The following KATNIP variants were observed in gnomAD, a reference collection of about 807,000 sequenced individuals.
KATNIP encodes katanin-interacting protein.
KATNIP carries 126 observed loss-of-function variants against 174.0 expected under a neutral mutation model. The ratio of observed to expected loss-of-function variants is 0.72; its 90% CI spans 0.63 to 0.84. The LOEUF is 0.84. Among genes scored for constraint, KATNIP ranks in the 40% least tolerant of loss-of-function variants. The pLI is 0.00. For synonymous variants in KATNIP, 810 were observed against 835.7 expected, an observed-to-expected ratio of 0.97 and a Z score of 0.53; for missense variants, 1,958 against 2,109.7, an observed-to-expected ratio of 0.93 and a Z score of 1.41.
intron 14 of KATNIP, among the ~76,000 whole-genome samples, chr16:27,723,479 C>T (rs757744326): frequency 4.6e-5 from 7 of 151,986 alleles, no homozygotes; most frequent in Admixed American, 2.0e-4. Flanking sequence ...CTGCCCCCTG[C>T]CCCCTGCCCC....
At chr16:27,751,962 G>A in intron 17 of KATNIP, 38 bp downstream of exon 17, 1 of 1,542,456 alleles carries the variant, frequency 6.5e-7, no homozygotes, top group Non-Finnish European at 8.7e-7. Context: ...GGGACCCCCA[G>A]ATAGGTTTCT....
rs567790923 is a variant in KATNIP at position 27,580,999 on chromosome 16, G to C, written c.63+7043G>C. ...ACCAGCTACTTGGGATGCTGAGGTG[G>C]GTGGCTCACTTGACCCCAGGAGTTT... On this transcript the variant is annotated intron_variant, in intron 2 of 27. Transcript: ENST00000261588. 2.6e-3 allele frequency among the ~76,000 whole-genome samples: 403 copies of C among 152,078 alleles called. 2 individuals carry two copies. Among genetic ancestry groups the C allele is most frequent in the Non-Finnish European group, 3.2e-3 (215 of 68,014 alleles).
In KATNIP at chr16:27,617,396, G is replaced by T. The variant is rs147487588; in HGVS notation, c.64-1029G>T. Among the ~76,000 whole-genome samples the T allele has an allele frequency of 5.0e-3, 764 of 152,304 alleles. 4 individuals carry two copies. Among genetic ancestry groups the T allele is most frequent in the African/African-American group, 0.018 (732 of 41,558 alleles). On this transcript the variant is annotated intron_variant, in intron 2 of 27. Coordinates refer to ENST00000261588, the MANE Select transcript of KATNIP (RefSeq NM_015202.5). The stretch of plus-strand genomic sequence containing the variant: ...GAAGAGAGCAGCTCTTTTTCCAAGG[G>T]TATCAGCAAAGTCCCGGGGCTGACT...
At chr16:27,566,792 A>C (rs1328343344) in intron 1 of KATNIP, among the ~76,000 whole-genome samples, 1 of 152,070 alleles carries the variant, frequency 6.6e-6, no homozygotes, top group Non-Finnish European at 1.5e-5. Context: ...AAGAGCTATC[A>C]CCCGGGGAAG....
chr16:27,585,447 G>A, intron 2 of KATNIP, among the ~76,000 whole-genome samples: 1 of 152,202 alleles, frequency 6.6e-6, no homozygotes, highest in East Asian at 1.9e-4. Context: ...AAGGAAGTGG[G>A]TATATCGAAG....
At chr16:27,560,298 A>C (rs1393322428) in intron 1 of KATNIP, among the ~76,000 whole-genome samples, 1 of 151,404 alleles carries the variant, frequency 6.6e-6, no homozygotes, top group Non-Finnish European at 1.5e-5. Context: ...AAAAAAAAAA[A>C]AAAAAAAGGT....
chr16:27,560,190 G>A (rs2141586068), intron 1 of KATNIP, among the ~76,000 whole-genome samples: 1 of 149,036 alleles, frequency 6.7e-6, no homozygotes, highest in East Asian at 2.0e-4. Flanking sequence ...GCTGAGGCAG[G>A]AGAATCGCTT....
At chr16:27,682,928 C>A (rs1265852889) in intron 8 of KATNIP, among the ~76,000 whole-genome samples, 2 of 152,150 alleles carry the variant, frequency 1.3e-5, no homozygotes, top group African/African-American at 4.8e-5. Context: ...CACTCATCCC[C>A]TCACCATGCA....
intron 2 of KATNIP, among the ~76,000 whole-genome samples, chr16:27,599,843 C>T (rs1240626441): frequency 1.3e-5 from 2 of 152,220 alleles, no homozygotes; most frequent in Non-Finnish European, 2.9e-5. Context: ...AGTCCCGTGT[C>T]AGTCTCTGTC....
intron 1 of KATNIP, among the ~76,000 whole-genome samples, chr16:27,553,055 T>C (rs2089458117): frequency 6.6e-6 from 1 of 152,190 alleles, no homozygotes; most frequent in African/African-American, 2.4e-5. Flanking sequence ...TAGGTGAACT[T>C]TTATACTGTG....
At position 27,777,476 on chromosome 16, in the gene KATNIP, A is replaced by G. The variant is rs757604551; in HGVS notation, c.4552-134A>G. 1.6e-5 allele frequency: 12 copies of G among 752,104 alleles called. No homozygotes were observed. The highest frequency in any genetic ancestry group is 2.3e-5 in the Non-Finnish European group (11 of 477,388). The allele number at this position is 752,104 out of a possible 1,614,324, so 46.6% of individuals were successfully genotyped here. A position where few individuals can be genotyped will look rare whatever the true frequency, so the allele number is the denominator to read the frequency against. On this transcript the variant is annotated intron_variant, in intron 25 of 27. Coordinates refer to ENST00000261588, the MANE Select transcript of KATNIP (RefSeq NM_015202.5). The surrounding 1 kb of genome is among the most constrained non-coding windows in gnomAD (Gnocchi z 4.4). ...TGAAATCACAAGGCAGACACAGCAC[A>G]CAGTAGGCGCTTGTTCCTGACAGCC...
intron 14 of KATNIP, among the ~76,000 whole-genome samples, chr16:27,730,111 C>T (rs2080612622): frequency 6.6e-6 from 1 of 152,244 alleles, no homozygotes. Context: ...GGCCTCCCAG[C>T]TGCAGAATGC....
Position 27,747,839 on chromosome 16 carries a change from G to A in KATNIP, c.2624-1745G>A, listed in dbSNP as rs575287622. On this transcript the variant is annotated intron_variant, in intron 15 of 27. Coordinates refer to ENST00000261588, the MANE Select transcript of KATNIP (RefSeq NM_015202.5). ...TGTGGTTGGAGGGAGCCACAGGAGC[G>A]GGTCGCCTTCCTGTTTCTTCCTTTC... Among the ~76,000 whole-genome samples, 4 of 152,236 alleles carry A rather than the reference G, an allele frequency of 2.6e-5. No individual in the cohort carries two copies. The South Asian group carries it at 6.2e-4, about 24-fold the overall frequency.
At chr16:27,702,642 T>A (rs1017674100) in intron 11 of KATNIP, among the ~76,000 whole-genome samples, 5 of 152,148 alleles carry the variant, frequency 3.3e-5, no homozygotes, top group African/African-American at 9.7e-5. Flanking sequence ...TGGGGCTGCA[T>A]CAGCCCAGAA....
At chr16:27,627,870 A>C (rs866437774) in intron 3 of KATNIP, among the ~76,000 whole-genome samples, 7 of 152,176 alleles carry the variant, frequency 4.6e-5, no homozygotes, top group African/African-American at 1.7e-4. Context: ...CAATGGAAGC[A>C]GTTCTCTGGG....
In KATNIP at chr16:27,769,950, T is replaced by A; in HGVS notation, c.4065T>A (p.Phe1355Leu). ...GGAAGGGGCCAGGCAACTGCCACTT[T>A]GATTTTGCTCAAGAAATCCTCTTCG... ...LIRKGPGNCH[F>L]DFAQEILFVD... is the part of the protein sequence containing the mutation. The change falls in exon 21 of 28, where the codon TTT becomes TTA. Residue 1355 changes from phenylalanine (F) to leucine (L), a missense_variant. Coordinates refer to ENST00000261588, the MANE Select transcript of KATNIP (RefSeq NM_015202.5). 6.2e-7 allele frequency: 1 copy of A among 1,614,242 alleles called. No homozygotes were observed. The highest frequency in any genetic ancestry group is 8.5e-7 in the Non-Finnish European group (1 of 1,180,042).
chr16:27,657,176 T>C (rs1344618555), intron 6 of KATNIP, among the ~76,000 whole-genome samples: 1 of 152,006 alleles, frequency 6.6e-6, no homozygotes, highest in Non-Finnish European at 1.5e-5. Flanking sequence ...TGTGCAGGCA[T>C]GAGGGGCTGT....
intron 14 of KATNIP, among the ~76,000 whole-genome samples, chr16:27,735,502 G>A (rs770188737): frequency 5.9e-5 from 9 of 152,202 alleles, no homozygotes; most frequent in Non-Finnish European, 8.8e-5. Flanking sequence ...TGCCCATGCT[G>A]TCCTTCTCAA....
At chr16:27,769,231 A>G (rs1487509591) in intron 20 of KATNIP, among the ~76,000 whole-genome samples, 2 of 152,222 alleles carry the variant, frequency 1.3e-5, no homozygotes, top group African/African-American at 4.8e-5. Flanking sequence ...GAGACCCAGA[A>G]GCCACTGGGA....
Sources: allele counts gnomAD v4.1 joint callset (sites outside exome capture counted in the v4.1 genomes callset), GRCh38; gene constraint gnomAD v4.1.1; non-coding constraint Gnocchi (gnomAD v3.1); transcripts MANE v1.5; gene names NCBI Gene and HGNC (gene_info 2026-07-23, HGNC 2026-07-21).